The following KLHL13 variants were observed in gnomAD, a reference collection of about 807,000 sequenced individuals.
KLHL13 encodes kelch-like protein 13.
A neutral mutation model predicts 37.1 loss-of-function variants in KLHL13; 10 were observed. That is an observed-to-expected ratio of 0.27 (90% CI 0.17 to 0.46). The LOEUF is 0.46. Among genes scored for constraint, KLHL13 ranks in the 20% least tolerant of loss-of-function variants. The probability of loss-of-function intolerance (pLI) is 1.00; values close to 1 mark genes in which losing one functional copy is unlikely to be tolerated. For synonymous variants in KLHL13, 163 were observed against 181.2 expected, an observed-to-expected ratio of 0.90 and a Z score of 0.81; for missense variants, 360 against 509.3, an observed-to-expected ratio of 0.71 and a Z score of 2.82.
intron 5 of KLHL13, among the ~76,000 whole-genome samples, chrX:117,906,801 G>A (rs939089197): frequency 8.1e-5 from 9 of 111,310 alleles, no homozygotes; most frequent in African/African-American, 2.9e-4. Flanking sequence ...TTATAGATTT[G>A]TAATCTATAG....
intron 1 of KLHL13, among the ~76,000 whole-genome samples, chrX:117,956,846 T>C (rs985047558): frequency 1.8e-5 from 2 of 111,970 alleles, no homozygotes; most frequent in Admixed American, 1.9e-4. Context: ...GAAGCAATCA[T>C]CATTTTTACA....
At chrX:118,016,798 G>A (rs2054132607) in intron 1 of KLHL13, among the ~76,000 whole-genome samples, 1 of 111,486 alleles carries the variant, frequency 9.0e-6, no homozygotes, top group Non-Finnish European at 1.9e-5. Context: ...TGAGGAACAA[G>A]TAGGATTTTA....
chrX:118,094,422 C>T (rs919067049), intron 1 of KLHL13, among the ~76,000 whole-genome samples: 3 of 111,074 alleles, frequency 2.7e-5, no homozygotes, highest in Admixed American at 9.6e-5. Context: ...GATTGGTGTA[C>T]CTGAAAGTGA....
intron 1 of KLHL13, among the ~76,000 whole-genome samples, chrX:117,957,055 C>T (rs2053216286): frequency 1.8e-5 from 2 of 111,254 alleles, no homozygotes; most frequent in Admixed American, 1.9e-4. Flanking sequence ...ATTGCTCTCA[C>T]CAAAATTATT....
At chrX:118,092,516 T>C (rs2148153460) in intron 1 of KLHL13, among the ~76,000 whole-genome samples, 1 of 111,519 alleles carries the variant, frequency 9.0e-6, no homozygotes, top group Non-Finnish European at 1.9e-5. Flanking sequence ...AAAACTAAGA[T>C]TTTGTCACCA....
intron 1 of KLHL13, among the ~76,000 whole-genome samples, chrX:117,949,039 T>G (rs1933458458): frequency 8.9e-6 from 1 of 112,113 alleles, no homozygotes; most frequent in African/African-American, 3.2e-5. Flanking sequence ...GTCCACATAT[T>G]TAAAATTACC....
intron 1 of KLHL13, among the ~76,000 whole-genome samples, chrX:118,072,987 A>G: frequency 9.1e-6 from 1 of 109,451 alleles, no homozygotes; most frequent in Non-Finnish European, 1.9e-5. Context: ...CCAGCTACTC[A>G]GGAGGCTGAG....
chrX:117,985,468 A>G, intron 1 of KLHL13: 1 of 625,232 alleles, frequency 1.6e-6, no homozygotes, highest in African/African-American at 2.4e-5. Flanking sequence ...AAAAAAACCT[A>G]TGTACTGCAT....
At chrX:118,078,125 G>A (rs1039653925) in intron 1 of KLHL13, among the ~76,000 whole-genome samples, 4 of 111,530 alleles carry the variant, frequency 3.6e-5, no homozygotes, top group Non-Finnish European at 7.6e-5. Context: ...ATTAGTAGAC[G>A]CAGCAGAAGG....
chrX:118,021,048 G>A (rs1259556785), intron 1 of KLHL13, among the ~76,000 whole-genome samples: 5 of 100,174 alleles, frequency 5.0e-5, no homozygotes, highest in African/African-American at 1.4e-4. Flanking sequence ...GCTAGATGAC[G>A]AGTTAGTGGG....
intron 5 of KLHL13, among the ~76,000 whole-genome samples, chrX:117,903,171 G>C (rs866189549): frequency 0.043 from 4,178 of 96,744 alleles, 137 homozygotes; most frequent in Middle Eastern, 0.097. Flanking sequence ...GAGAGAGAGA[G>C]AGGAGAGCGA....
At chrX:118,093,376 C>T (rs1483285119) in intron 1 of KLHL13, among the ~76,000 whole-genome samples, 1 of 111,621 alleles carries the variant, frequency 9.0e-6, no homozygotes, top group East Asian at 2.8e-4. Context: ...ATCTCTTGTT[C>T]CTCCATTAGA....
At chrX:118,112,607 T>A (rs1232581615) in intron 1 of KLHL13, among the ~76,000 whole-genome samples, 1 of 112,081 alleles carries the variant, frequency 8.9e-6, no homozygotes, top group Non-Finnish European at 1.9e-5. Context: ...TAGAGATTTG[T>A]GAAAGGGAAT....
chrX:118,112,551 T>C (rs890669806), intron 1 of KLHL13, among the ~76,000 whole-genome samples: 12 of 112,180 alleles, frequency 1.1e-4, no homozygotes, highest in Non-Finnish European at 2.1e-4. Flanking sequence ...CCAGGAATAA[T>C]GCTAAGCACA....
chrX:118,062,163 G>T (rs1035787323), intron 1 of KLHL13, among the ~76,000 whole-genome samples: 23 of 111,073 alleles, frequency 2.1e-4, no homozygotes, highest in Non-Finnish European at 4.2e-4. Flanking sequence ...TGCTTTCTGT[G>T]ATGCCTCATC....
At chrX:118,107,598 T>C (rs1319750194) in intron 1 of KLHL13, among the ~76,000 whole-genome samples, 1 of 112,266 alleles carries the variant, frequency 8.9e-6, no homozygotes, top group African/African-American at 3.2e-5. Context: ...ATACGCATTA[T>C]TAATTTAATC....
intron 1 of KLHL13, among the ~76,000 whole-genome samples, chrX:118,110,476 T>G (rs1450775572): frequency 1.9e-5 from 2 of 104,269 alleles, no homozygotes; most frequent in Non-Finnish European, 3.9e-5. Context: ...ACTCCCTGTC[T>G]CAAGCGATTC....
At chrX:118,078,181 T>A (rs1362328938) in intron 1 of KLHL13, among the ~76,000 whole-genome samples, 1 of 111,953 alleles carries the variant, frequency 8.9e-6, no homozygotes, top group Admixed American at 9.5e-5. Context: ...ATTGGCAAGT[T>A]CATATTTCAT....
intron 1 of KLHL13, among the ~76,000 whole-genome samples, chrX:118,036,373 A>G (rs1370845347): frequency 1.8e-5 from 2 of 112,034 alleles, no homozygotes; most frequent in Non-Finnish European, 1.9e-5. Flanking sequence ...CCAAAACAGC[A>G]TGGTGCTGGT....
Sources: gnomAD v4.1 joint callset for allele counts (sites outside exome capture counted in the v4.1 genomes callset) on GRCh38, gnomAD v4.1.1 for gene constraint, MANE v1.5 for transcripts, NCBI Gene and HGNC (gene_info 2026-07-23, HGNC 2026-07-21) for gene names.